Variants in PIN4 observed in about 807,000 individuals in gnomAD.
PIN4 encodes the protein peptidyl-prolyl cis-trans isomerase NIMA-interacting 4.
PIN4 carries 3 observed loss-of-function variants against 8.3 expected under a neutral mutation model. The ratio of observed to expected loss-of-function variants is 0.36; its 90% CI spans 0.16 to 0.93. The LOEUF is 0.93. Ranked by LOEUF, PIN4 falls within the 40% of genes least tolerant of loss-of-function variation. PIN4 has a pLI of 0.44. For missense variants in PIN4, 75 were observed against 100.6 expected, an observed-to-expected ratio of 0.75 and a Z score of 1.09; for synonymous variants, 18 against 32.5, an observed-to-expected ratio of 0.55 and a Z score of 1.52.
chrX:72,218,285 AT>A (rs1432378120), intron 3 of PIN4, among the ~76,000 whole-genome samples: 1 of 106,772 alleles, frequency 9.4e-6, no homozygotes, highest in Non-Finnish European at 1.9e-5. Context: ...AAAAAAAAAA[AT>A]TAATAATAGA....
chrX:72,181,750 C>T (rs777392941), upstream of PIN4: 24 of 1,187,738 alleles, frequency 2.0e-5, no homozygotes, highest in Admixed American at 3.9e-4. Context: ...TGTACGGCAA[C>T]TGGAGCGGTT....
chrX:72,197,808 T>A lies in PIN4; in HGVS notation c.*282T>A. The A allele has an allele frequency of 3.7e-6, 3 of 806,879 alleles. No individual in the cohort carries two copies. Among genetic ancestry groups the A allele is most frequent in the Non-Finnish European group, 4.5e-6 (3 of 670,749 alleles). 66.5% of individuals were successfully genotyped at this position (806,879 alleles called of 1,213,427 possible). On this transcript the variant is annotated 3_prime_UTR_variant, in exon 4 of 4. Transcript: ENST00000373669. ...TTCTCTTTCCTCCCAGAACTATATC[T>A]GACTCTCAGTCTGTCCCATAAATTA...
At chrX:72,208,814 A>C (rs1283407684) in intron 3 of PIN4, 8 of 587,618 alleles carry the variant, frequency 1.4e-5, no homozygotes, top group Non-Finnish European at 2.1e-5. Context: ...TCCTCAATTC[A>C]GGATGGGAAA....
At chrX:72,235,673 G>A (rs1218165383) in intron 3 of PIN4, among the ~76,000 whole-genome samples, 1 of 111,738 alleles carries the variant, frequency 8.9e-6, no homozygotes, top group African/African-American at 3.3e-5. Context: ...GATTACAGGC[G>A]TGAGCCACCA....
intron 3 of PIN4, among the ~76,000 whole-genome samples, chrX:72,224,623 A>G (rs1226625307): frequency 9.0e-6 from 1 of 111,137 alleles, no homozygotes; most frequent in Non-Finnish European, 1.9e-5. Flanking sequence ...GTGCATGCCT[A>G]TAATCCCAGC....
intron 3 of PIN4, among the ~76,000 whole-genome samples, chrX:72,251,362 C>CAAAAAAAAA (rs35914181): frequency 1.4e-4 from 9 of 65,628 alleles, no homozygotes; most frequent in Non-Finnish European, 1.7e-4. Flanking sequence ...GACTCTGTCT[C>CAAAAAAAAA]AAAAAAAAAA....
chrX:72,245,005 C>T (rs747850049), intron 3 of PIN4, among the ~76,000 whole-genome samples: 1 of 83,145 alleles, frequency 1.2e-5, no homozygotes, highest in African/African-American at 4.8e-5. Flanking sequence ...CCCAGGAGTT[C>T]GAGGCTGCAG....
At chrX:72,193,256 A>T (rs966088921) in intron 2 of PIN4, among the ~76,000 whole-genome samples, 3 of 111,719 alleles carry the variant, frequency 2.7e-5, no homozygotes, top group African/African-American at 9.8e-5. Context: ...CAGGAATTGT[A>T]TCAGACAATC....
At chrX:72,261,806 A>G (rs1015260007) in intron 3 of PIN4, among the ~76,000 whole-genome samples, 3 of 111,996 alleles carry the variant, frequency 2.7e-5, no homozygotes, top group Admixed American at 9.5e-5. Flanking sequence ...TTATGATGAT[A>G]TTAATTTGGA....
intron 3 of PIN4, among the ~76,000 whole-genome samples, chrX:72,233,629 G>A (rs2042998397): frequency 9.4e-6 from 1 of 106,759 alleles, no homozygotes; most frequent in Admixed American, 1.0e-4. Flanking sequence ...GGCTGAGGCA[G>A]GAGAATCACT....
intron 3 of PIN4, among the ~76,000 whole-genome samples, chrX:72,248,912 C>T (rs2043077405): frequency 9.0e-6 from 1 of 111,060 alleles, no homozygotes; most frequent in Non-Finnish European, 1.9e-5. Context: ...AAAAACCAAT[C>T]CTCAGGCAAA....
chrX:72,205,256 C>T (rs1157427084), intron 3 of PIN4: 2 of 1,211,992 alleles, frequency 1.7e-6, no homozygotes, highest in Middle Eastern at 2.3e-4. Flanking sequence ...AGAGAGGTCT[C>T]TTGAGCTAGA....
intron 3 of PIN4, among the ~76,000 whole-genome samples, chrX:72,217,257 T>C (rs2042891687): frequency 9.0e-6 from 1 of 111,713 alleles, no homozygotes; most frequent in African/African-American, 3.3e-5. Context: ...CTGCCTGCTT[T>C]TACTCACTTT....
exon 4 of PIN4, chrX:72,262,992 C>T (rs927956490): frequency 2.5e-5 from 9 of 355,453 alleles, no homozygotes; most frequent in Admixed American, 1.9e-4. Context: ...GATGTGGGGG[C>T]GGGTTTGTAG....
At chrX:72,261,934 G>A (rs2043141608) in intron 3 of PIN4, among the ~76,000 whole-genome samples, 1 of 109,626 alleles carries the variant, frequency 9.1e-6, no homozygotes, top group African/African-American at 3.3e-5. Flanking sequence ...ATCTCTCCCT[G>A]GAAAGTCCTT....
rs760523432 is a variant in PIN4, at chrX:72,203,899, G to GC, written c.312+6996dup. On this transcript the variant is annotated intron_variant, in intron 3 of 3. Transcript: ENST00000423432. Reference sequence around the variant, plus strand: ...GTGCTATACTGCAGTTTATCTTTCTGCAAGGGAACCAAACTCCTTTTCAGT... The same window carrying GC: ...GTGCTATACTGCAGTTTATCTTTCTGCCAAGGGAACCAAACTCCTTTTCAGT... Among the ~76,000 whole-genome samples, 600 of 112,245 alleles carry GC rather than the reference G, an allele frequency of 5.3e-3. 3 individuals carry two copies. Among genetic ancestry groups the GC allele is most frequent in the Non-Finnish European group, 8.3e-3 (441 of 53,234 alleles).
chrX:72,255,673 C>T, intron 3 of PIN4: 1 of 111,616 alleles, frequency 9.0e-6, no homozygotes, highest in Non-Finnish European at 1.9e-5. Flanking sequence ...TGCAAAACAA[C>T]TTCCAATTTA....
intron 3 of PIN4, among the ~76,000 whole-genome samples, chrX:72,218,180 G>C (rs1196641350): frequency 9.3e-6 from 1 of 108,039 alleles, no homozygotes; most frequent in Non-Finnish European, 1.9e-5. Context: ...TGAGGCAGGA[G>C]AATGGTGGGA....
At chrX:72,241,746 G>T (rs1297033123) in intron 3 of PIN4, among the ~76,000 whole-genome samples, 1 of 111,351 alleles carries the variant, frequency 9.0e-6, no homozygotes, top group Non-Finnish European at 1.9e-5. Flanking sequence ...AACCTGGGAG[G>T]CGGAGGTTGT....
Sources: gnomAD v4.1 joint callset for allele counts (sites outside exome capture counted in the v4.1 genomes callset) on GRCh38, gnomAD v4.1.1 for gene constraint, MANE v1.5 for transcripts, NCBI Gene and HGNC (gene_info 2026-07-23, HGNC 2026-07-21) for gene names.